BACE2: variants seen among roughly 807,000 people sequenced by gnomAD.
The protein encoded by BACE2 is beta-secretase 2.
In BACE2, 17 loss-of-function variants were observed where a neutral mutation model predicts 46.2. The ratio of observed to expected loss-of-function variants is 0.37; its 90% CI spans 0.25 to 0.55. The LOEUF is 0.55. BACE2 is among the 20% of genes least tolerant of loss of function. The probability of loss-of-function intolerance (pLI) is 0.82; values close to 1 mark genes in which losing one functional copy is unlikely to be tolerated. For missense variants in BACE2, 595 were observed against 698.1 expected (o/e 0.85, Z 1.66); for synonymous variants, 277 against 295.9 (o/e 0.94, Z 0.66).
intron 2 of BACE2, among the ~76,000 whole-genome samples, chr21:41,233,229 A>G (rs905339552): frequency 1.1e-4 from 17 of 152,244 alleles, no homozygotes; most frequent in Non-Finnish European, 8.8e-5. Flanking sequence ...TTTGTGGCAT[A>G]TCTCCTGTGT....
intron 1 of BACE2, among the ~76,000 whole-genome samples, chr21:41,192,222 T>C (rs1380250261): frequency 6.6e-6 from 1 of 152,196 alleles, no homozygotes; most frequent in Non-Finnish European, 1.5e-5. Context: ...CCTAGTCTTC[T>C]CTTCCTCTGT....
At chr21:41,260,107 A>G (rs1478301117) in intron 8 of BACE2, among the ~76,000 whole-genome samples, 1 of 149,698 alleles carries the variant, frequency 6.7e-6, no homozygotes, top group African/African-American at 2.5e-5. Context: ...CCAAAGTGCT[A>G]GGTTTACAAG....
At chr21:41,237,774 G>A in intron 3 of BACE2, 45 bp downstream of exon 3, 1 of 1,540,424 alleles carries the variant, frequency 6.5e-7, no homozygotes, top group Non-Finnish European at 9.0e-7. Flanking sequence ...AACAGGATGA[G>A]ATTCTGAAAA....
intron 6 of BACE2, among the ~76,000 whole-genome samples, chr21:41,249,837 G>A (rs1987588965): frequency 6.6e-6 from 1 of 152,216 alleles, no homozygotes; most frequent in African/African-American, 2.4e-5. Flanking sequence ...CTGCCTGTGA[G>A]GTCACACAGG....
chr21:41,216,607 G>A (rs1018167350), intron 1 of BACE2, among the ~76,000 whole-genome samples: 2 of 152,228 alleles, frequency 1.3e-5, no homozygotes, highest in Non-Finnish European at 2.9e-5. Context: ...GTGAGAACGA[G>A]CTCCGGTCAT....
chr21:41,265,523 C>T (rs567204835), intron 8 of BACE2, among the ~76,000 whole-genome samples: 53 of 151,978 alleles, frequency 3.5e-4, no homozygotes, highest in Non-Finnish European at 7.1e-4. Context: ...ATGATGATCT[C>T]GGTGTAGTTT....
intron 7 of BACE2, 113 bp from the exon 8 acceptor site, chr21:41,257,045 C>G: frequency 8.5e-7 from 1 of 1,170,018 alleles, no homozygotes; most frequent in Non-Finnish European, 1.2e-6. Context: ...TCTCCCGTGA[C>G]TCCCCCCAGC....
intron 4 of BACE2, among the ~76,000 whole-genome samples, chr21:41,242,325 C>A (rs190559299): frequency 3.9e-4 from 58 of 146,908 alleles, no homozygotes; most frequent in African/African-American, 9.0e-4. Flanking sequence ...GAAACAGGGG[C>A]CCTTGTAGAT....
At chr21:41,202,085 CA>C (rs1417437710) in intron 1 of BACE2, among the ~76,000 whole-genome samples, 3 of 152,218 alleles carry the variant, frequency 2.0e-5, no homozygotes, top group Non-Finnish European at 4.4e-5. Flanking sequence ...TCATGTAAGA[CA>C]GTTTTCACTA....
At chr21:41,259,849 A>G (rs1231275429) in intron 8 of BACE2, among the ~76,000 whole-genome samples, 3 of 150,678 alleles carry the variant, frequency 2.0e-5, no homozygotes, top group Non-Finnish European at 4.4e-5. Flanking sequence ...TTATTTTTAG[A>G]CAGGGTCTTG....
rs1387471946 is a variant in BACE2, at chr21:41,277,144, G to T, written c.*1520G>T. On this transcript the variant is annotated 3_prime_UTR_variant, in exon 9 of 9. Transcript: ENST00000330333. ...CCAAAAGTGCTAAGTGTCCCCTCCT[G>T]CAGAAGTATCGTTTGTATTCACAGT... The T allele has an allele frequency of 6.6e-6, 1 of 151,972 alleles. No individual in the cohort carries two copies. Among genetic ancestry groups the T allele is most frequent in the African/African-American group, 2.4e-5 (1 of 41,364 alleles). The allele number at this position is 151,972 out of a possible 1,614,324, so 9.4% of individuals were successfully genotyped here. A position where few individuals can be genotyped will look rare whatever the true frequency, so the allele number is the denominator to read the frequency against.
At chr21:41,239,547 T>G (rs1355972402) in intron 3 of BACE2, among the ~76,000 whole-genome samples, 2 of 152,028 alleles carry the variant, frequency 1.3e-5, no homozygotes, top group African/African-American at 2.4e-5. Context: ...CTGGCTAAGT[T>G]TTGTAGTTTT....
rs951753994 is a variant in BACE2 at position 41,260,541 on chromosome 21, A to G, written c.1303+3215A>G. 6.6e-5 allele frequency among the ~76,000 whole-genome samples: 10 copies of G among 152,322 alleles called. No individual in the cohort carries two copies. In the East Asian group the frequency reaches 1.9e-3, roughly 29 times the overall value. On this transcript the variant is annotated intron_variant, in intron 8 of 8. Coordinates refer to ENST00000330333, the MANE Select transcript of BACE2 (RefSeq NM_012105.5). ...ATGAGGCTGCAGCTGTCTGAAGTCCATTGTAGGAGCTGGTTCCAAGCTCAC... is the reference window on the plus strand; with the variant it reads ...ATGAGGCTGCAGCTGTCTGAAGTCCGTTGTAGGAGCTGGTTCCAAGCTCAC...
intron 3 of BACE2, among the ~76,000 whole-genome samples, chr21:41,237,966 A>G (rs3787937): frequency 0.12 from 18,065 of 152,240 alleles, 1,204 homozygotes; most frequent in Non-Finnish European, 0.15. Context: ...TTTTTGTTTT[A>G]TTTTCGTTTT....
chr21:41,201,528 C>T (rs1985968112), intron 1 of BACE2, among the ~76,000 whole-genome samples: 3 of 152,242 alleles, frequency 2.0e-5, no homozygotes, highest in African/African-American at 4.8e-5. Context: ...TCAGCTGTGA[C>T]TCTTACTGTC....
In BACE2 at chr21:41,276,236, A is replaced by G. The variant is rs2088488119; in HGVS notation, c.*612A>G. ...GGGAGCCAGAATTCACTAGGAGGTC[A>G]TCAACCGATGGTCCTCACAAGCCTC... On this transcript the variant is annotated 3_prime_UTR_variant, in exon 9 of 9. Coordinates refer to ENST00000330333, the MANE Select transcript of BACE2 (RefSeq NM_012105.5). 6.5e-6 allele frequency: 1 copy of G among 152,956 alleles called. No homozygotes were observed. Among genetic ancestry groups the G allele is most frequent in the Non-Finnish European group, 1.5e-5 (1 of 68,600 alleles). The allele number at this position is 152,956 out of a possible 1,614,324, so 9.5% of individuals were successfully genotyped here.
chr21:41,250,225 C>G (rs974636074), intron 6 of BACE2, among the ~76,000 whole-genome samples: 1 of 152,144 alleles, frequency 6.6e-6, no homozygotes, highest in African/African-American at 2.4e-5. Flanking sequence ...GGCATCTGAC[C>G]TGGGATCTGG....
intron 1 of BACE2, among the ~76,000 whole-genome samples, chr21:41,213,487 T>C (rs2123551063): frequency 6.6e-6 from 1 of 151,760 alleles, no homozygotes; most frequent in South Asian, 2.1e-4. Flanking sequence ...AAAAAATGAG[T>C]AAGCTGGCTG....
chr21:41,207,537 G>A (rs541809896), intron 1 of BACE2, among the ~76,000 whole-genome samples: 1 of 152,166 alleles, frequency 6.6e-6, no homozygotes, highest in Admixed American at 6.5e-5. Flanking sequence ...AGGCTTCCAG[G>A]GAAACTCCAG....
Sources: gnomAD v4.1 joint callset for allele counts (sites outside exome capture counted in the v4.1 genomes callset) on GRCh38, gnomAD v4.1.1 for gene constraint, MANE v1.5 for transcripts, NCBI Gene and HGNC (gene_info 2026-07-23, HGNC 2026-07-21) for gene names.